PREX2: variants seen among roughly 807,000 people sequenced by gnomAD.
PREX2 encodes the protein phosphatidylinositol 3,4,5-trisphosphate-dependent Rac exchanger 2 protein.
A neutral mutation model predicts 203.2 loss-of-function variants in PREX2; 107 were observed. The ratio of observed to expected loss-of-function variants is 0.53; its 90% confidence interval spans 0.45 to 0.62. PREX2 has a LOEUF of 0.62. Ranked by LOEUF, PREX2 falls within the 20% of genes least tolerant of loss-of-function variation. The pLI is 0.00. For synonymous variants in PREX2, 672 were observed against 663.6 expected (o/e 1.01, Z -0.19); for missense variants, 1,777 against 1,955.9 (o/e 0.91, Z 1.72).
intron 1 of PREX2, among the ~76,000 whole-genome samples, chr8:67,979,548 G>A (rs1022202538): frequency 1.3e-5 from 2 of 152,064 alleles, no homozygotes; most frequent in Non-Finnish European, 2.9e-5. Flanking sequence ...CTCTTTTCTG[G>A]TAAAGTGTAG....
chr8:68,005,098 C>T (rs1056820400), intron 1 of PREX2, among the ~76,000 whole-genome samples: 1 of 152,132 alleles, frequency 6.6e-6, no homozygotes, highest in Admixed American at 6.5e-5. Context: ...TGATAAGGTC[C>T]TTTGCTGTGT....
intron 1 of PREX2, among the ~76,000 whole-genome samples, chr8:68,010,820 A>G (rs368461143): frequency 2.0e-5 from 3 of 152,156 alleles, no homozygotes; most frequent in African/African-American, 4.8e-5. Flanking sequence ...ACAGCCCACT[A>G]TAAACATCAT....
chr8:68,178,951 T>C (rs1179862474), intron 35 of PREX2, among the ~76,000 whole-genome samples: 3 of 152,174 alleles, frequency 2.0e-5, no homozygotes, highest in Non-Finnish European at 4.4e-5. Context: ...TTTTTAAAAG[T>C]CTGATTAAAA....
intron 23 of PREX2, among the ~76,000 whole-genome samples, chr8:68,104,359 C>T (rs914828150): frequency 1.3e-5 from 2 of 152,154 alleles, no homozygotes; most frequent in Non-Finnish European, 2.9e-5. Flanking sequence ...CTTCTCCAAT[C>T]CTGCCTCCTC....
chr8:68,213,608 G>T (rs960398121), intron 37 of PREX2, among the ~76,000 whole-genome samples: 1 of 152,200 alleles, frequency 6.6e-6, no homozygotes, highest in African/African-American at 2.4e-5. Context: ...ATTAGCTGCA[G>T]GTTACATTTA....
intron 1 of PREX2, among the ~76,000 whole-genome samples, chr8:67,976,169 C>G (rs901387240): frequency 5.3e-5 from 8 of 152,182 alleles, no homozygotes; most frequent in Admixed American, 3.9e-4. Flanking sequence ...TGATTCTGAG[C>G]TAGCTCTGAA....
chr8:68,145,331 A>AT (rs756150336), intron 33 of PREX2, among the ~76,000 whole-genome samples: 6 of 152,154 alleles, frequency 3.9e-5, no homozygotes, highest in Non-Finnish European at 5.9e-5. Flanking sequence ...AATTAAATAG[A>AT]TAGATTTAAT....
intron 35 of PREX2, among the ~76,000 whole-genome samples, chr8:68,170,680 T>C (rs1485451232): frequency 1.3e-5 from 2 of 152,230 alleles, no homozygotes; most frequent in African/African-American, 2.4e-5. Flanking sequence ...TCTGGAATTC[T>C]GACGAAGAAA....
chr8:68,098,296 G>T (rs1003331964), intron 22 of PREX2, among the ~76,000 whole-genome samples: 2 of 152,154 alleles, frequency 1.3e-5, no homozygotes, highest in Non-Finnish European at 2.9e-5. Context: ...AATATGAATA[G>T]TTGAGATAGA....
At chr8:67,963,036 A>G (rs1018555565) in intron 1 of PREX2, among the ~76,000 whole-genome samples, 4 of 152,102 alleles carry the variant, frequency 2.6e-5, no homozygotes, top group African/African-American at 7.2e-5. Context: ...CCAGTACCCA[A>G]TGTTCTTTTC....
chr8:68,010,155 A>G (rs1346961029), intron 1 of PREX2, among the ~76,000 whole-genome samples: 2 of 152,212 alleles, frequency 1.3e-5, no homozygotes, highest in Admixed American at 6.5e-5. Flanking sequence ...AATTTCTGCA[A>G]TGGGTGGAAG....
At chr8:67,966,068 G>A (rs1805767948) in intron 1 of PREX2, among the ~76,000 whole-genome samples, 1 of 152,136 alleles carries the variant, frequency 6.6e-6, no homozygotes, top group Non-Finnish European at 1.5e-5. Flanking sequence ...TGAGGAACAT[G>A]ATAAGTTGGA....
chr8:67,955,005 G>T (rs190014559), intron 1 of PREX2, among the ~76,000 whole-genome samples: 1 of 151,826 alleles, frequency 6.6e-6, no homozygotes, highest in Non-Finnish European at 1.5e-5. Context: ...TTAGCCGGGC[G>T]TGGTGGTGGA....
rs532589491 is a variant in PREX2, at chr8:68,070,481, T to G, written c.1493+597T>G. Among the ~76,000 whole-genome samples, 328 of 152,168 alleles carry G rather than the reference T, an allele frequency of 2.2e-3. 1 individual carries two copies. The highest frequency in any genetic ancestry group is 7.4e-3 in the African/African-American group (306 of 41,570). On this transcript the variant is annotated intron_variant, in intron 13 of 39. Transcript: ENST00000288368. ...TTAGTTTATCTCTTTAGAAAGGCAA[T>G]AGAAAACTTTGAGGTTTGTATTATG...
At chr8:68,040,011 A>G (rs891257021) in intron 7 of PREX2, among the ~76,000 whole-genome samples, 2 of 151,978 alleles carry the variant, frequency 1.3e-5, no homozygotes, top group Admixed American at 1.3e-4. Context: ...GCTTCCTAGA[A>G]TAAAGTTCTT....
chr8:68,220,935 G>A (rs76670296), intron 38 of PREX2, among the ~76,000 whole-genome samples: 12,024 of 151,958 alleles, frequency 0.079, 894 homozygotes, highest in East Asian at 0.3. Context: ...CATAATGCTG[G>A]GGTTTGGGCT....
chr8:68,197,758 C>A (rs926671187), intron 37 of PREX2, among the ~76,000 whole-genome samples: 1 of 146,822 alleles, frequency 6.8e-6, no homozygotes, highest in Non-Finnish European at 1.5e-5. Context: ...TATATATATG[C>A]TATATTATAT....
intron 3 of PREX2, among the ~76,000 whole-genome samples, chr8:68,020,333 C>CAAAAAAAA (rs67292795): frequency 2.8e-5 from 3 of 106,112 alleles, no homozygotes; most frequent in Admixed American, 2.0e-4. Context: ...GCATTCACAC[C>CAAAAAAAA]AAAAAAAAAA....
At chr8:68,152,978 C>T (rs1811471977) in intron 34 of PREX2, among the ~76,000 whole-genome samples, 1 of 152,212 alleles carries the variant, frequency 6.6e-6, no homozygotes, top group Non-Finnish European at 1.5e-5. Context: ...GTCCACCATA[C>T]ATGTGCTTAT....
Sources: allele counts gnomAD v4.1 joint callset (sites outside exome capture counted in the v4.1 genomes callset), GRCh38; gene constraint gnomAD v4.1.1; transcripts MANE v1.5; gene names NCBI Gene and HGNC (gene_info 2026-07-23, HGNC 2026-07-21).